Variants in IKZF2 observed in about 807,000 individuals in gnomAD.
IKZF2 encodes the protein zinc finger protein Helios.
In IKZF2, 15 loss-of-function variants were observed where a neutral mutation model predicts 49.2. The ratio of observed to expected loss-of-function variants is 0.30; its 90% CI spans 0.20 to 0.47. The LOEUF (loss-of-function observed/expected upper bound fraction) is 0.47. Ranked by LOEUF, IKZF2 falls within the 20% of genes least tolerant of loss-of-function variation. The pLI is 1.00. For synonymous variants in IKZF2, 227 were observed against 221.4 expected (o/e 1.03, Z -0.23); for missense variants, 567 against 664.6 (o/e 0.85, Z 1.61).
intron 4 of IKZF2, among the ~76,000 whole-genome samples, chr2:213,086,862 G>A (rs747463419): frequency 6.6e-6 from 1 of 152,082 alleles, no homozygotes; most frequent in Non-Finnish European, 1.5e-5. Context: ...TATGCTGATG[G>A]AATGGAATCT....
intron 4 of IKZF2, among the ~76,000 whole-genome samples, chr2:213,091,136 C>T (rs1705277346): frequency 6.6e-6 from 1 of 152,074 alleles, no homozygotes; most frequent in African/African-American, 2.4e-5. Flanking sequence ...TGAATTTTGT[C>T]AATCTAAGAT....
chr2:213,090,299 T>C (rs1417159719), intron 4 of IKZF2, among the ~76,000 whole-genome samples: 1 of 152,196 alleles, frequency 6.6e-6, no homozygotes, highest in African/African-American at 2.4e-5. Flanking sequence ...TATCTCAATC[T>C]GCTCACTAAA....
intron 4 of IKZF2, among the ~76,000 whole-genome samples, chr2:213,063,884 C>T (rs958687996): frequency 3.3e-5 from 5 of 151,974 alleles, no homozygotes; most frequent in Non-Finnish European, 7.4e-5. Context: ...AGCTGTAAAA[C>T]TATGTCCACC....
chr2:213,041,161 A>G (rs1001212014), intron 6 of IKZF2, among the ~76,000 whole-genome samples: 1 of 152,160 alleles, frequency 6.6e-6, no homozygotes, highest in Non-Finnish European at 1.5e-5. Context: ...AAAAGTTCAC[A>G]TGAAGCAAAG....
At chr2:213,053,715 C>T (rs553081091) in intron 5 of IKZF2, among the ~76,000 whole-genome samples, 1 of 152,308 alleles carries the variant, frequency 6.6e-6, no homozygotes, top group East Asian at 1.9e-4. Flanking sequence ...AATTGATTTA[C>T]TTTCCCTATT....
At chr2:213,041,544 C>T (rs911924959) in intron 6 of IKZF2, among the ~76,000 whole-genome samples, 6 of 152,164 alleles carry the variant, frequency 3.9e-5, no homozygotes, top group East Asian at 1.9e-4. Context: ...CCTCATGATC[C>T]GCCCACCTCG....
chr2:213,022,727 T>C (rs531814010), intron 6 of IKZF2, among the ~76,000 whole-genome samples: 2 of 152,272 alleles, frequency 1.3e-5, no homozygotes, highest in South Asian at 4.2e-4. Context: ...CAGGTAAGTA[T>C]ATTCTCCCTC....
intron 4 of IKZF2, among the ~76,000 whole-genome samples, chr2:213,073,050 G>C (rs186172092): frequency 6.6e-6 from 1 of 152,158 alleles, no homozygotes; most frequent in East Asian, 1.9e-4. Flanking sequence ...TCGGATGCAA[G>C]AAAGCAGAAG....
chr2:213,090,763 A>C (rs1705220979), intron 4 of IKZF2, among the ~76,000 whole-genome samples: 1 of 152,154 alleles, frequency 6.6e-6, no homozygotes, highest in Admixed American at 6.6e-5. Flanking sequence ...ATGCAGATAT[A>C]AGCCAGGAAC....
chr2:213,060,269 T>G (rs1416109235), intron 4 of IKZF2, among the ~76,000 whole-genome samples: 1 of 151,362 alleles, frequency 6.6e-6, no homozygotes, highest in African/African-American at 2.4e-5. Flanking sequence ...TATTTTAACT[T>G]ATTAATGATT....
chr2:213,131,051 T>A (rs2060460655), intron 4 of IKZF2, among the ~76,000 whole-genome samples: 1 of 152,196 alleles, frequency 6.6e-6, no homozygotes, highest in Non-Finnish European at 1.5e-5. Flanking sequence ...TTGGACATAT[T>A]TAAGCAAATA....
At position 213,107,820 on chromosome 2, in the gene IKZF2, G is replaced by C. The variant is rs558418488; in HGVS notation, c.139+39888C>G. On this transcript the variant is annotated intron_variant, in intron 4 of 8. Transcript: ENST00000434687. ...AGAACTATCAAGAATACTGGAACAC[G>C]ACAGAACACAATGCATGCTGAATTC... 1.2e-4 allele frequency among the ~76,000 whole-genome samples: 18 copies of C among 152,218 alleles called. 1 individual carries two copies. The South Asian group carries it at 2.7e-3, about 23-fold the overall frequency.
At chr2:213,077,257 T>C (rs1042224232) in intron 4 of IKZF2, among the ~76,000 whole-genome samples, 2 of 152,212 alleles carry the variant, frequency 1.3e-5, no homozygotes, top group African/African-American at 4.8e-5. Context: ...GTTCTTAAAA[T>C]GTATCCATGA....
chr2:213,106,139 C>G (rs1049472211), intron 4 of IKZF2, among the ~76,000 whole-genome samples: 1 of 152,018 alleles, frequency 6.6e-6, no homozygotes, highest in African/African-American at 2.4e-5. Flanking sequence ...AGCTATTTCT[C>G]TTTTTAAAAA....
chr2:213,080,198 A>ATAGATAGATAGATAGATAGGTAGG (rs142164690), intron 4 of IKZF2, among the ~76,000 whole-genome samples: 10 of 151,732 alleles, frequency 6.6e-5, no homozygotes, highest in Non-Finnish European at 1.3e-4. Context: ...AGATAGATAG[A>ATAGATAGATAGATAGATAGGTAGG]TAGATAGATA....
At chr2:213,026,726 T>C (rs1299931306) in intron 6 of IKZF2, among the ~76,000 whole-genome samples, 5 of 152,108 alleles carry the variant, frequency 3.3e-5, no homozygotes, top group Non-Finnish European at 7.4e-5. Flanking sequence ...CAAAGATAAA[T>C]TTTGGTATGA....
intron 4 of IKZF2, among the ~76,000 whole-genome samples, chr2:213,120,104 C>T (rs1300996499): frequency 6.6e-6 from 1 of 152,158 alleles, no homozygotes; most frequent in Non-Finnish European, 1.5e-5. Context: ...GTCATTTGTT[C>T]ATAAAACAAT....
At chr2:213,119,910 T>C (rs1197460149) in intron 4 of IKZF2, among the ~76,000 whole-genome samples, 1 of 152,236 alleles carries the variant, frequency 6.6e-6, no homozygotes, top group African/African-American at 2.4e-5. Context: ...TATTCGACTT[T>C]AGTGAGATAG....
chr2:213,085,415 A>T (rs2125598795), intron 4 of IKZF2, among the ~76,000 whole-genome samples: 1 of 152,342 alleles, frequency 6.6e-6, no homozygotes, highest in South Asian at 2.1e-4. Context: ...AAATATATTA[A>T]TGTATTTCAA....
Sources: allele counts gnomAD v4.1 joint callset (sites outside exome capture counted in the v4.1 genomes callset), GRCh38; gene constraint gnomAD v4.1.1; transcripts MANE v1.5; gene names NCBI Gene and HGNC (gene_info 2026-07-23, HGNC 2026-07-21).